The following CLPB variants were observed in gnomAD, a reference collection of about 807,000 sequenced individuals.
CLPB encodes mitochondrial disaggregase.
A neutral mutation model predicts 78.4 loss-of-function variants in CLPB; 40 were observed. The observed-to-expected ratio is 0.51, with a 90% CI of 0.40 to 0.66. The LOEUF (loss-of-function observed/expected upper bound fraction) is 0.66, where lower values mean the gene tolerates loss of function less well. Among genes scored for constraint, CLPB ranks in the 30% least tolerant of loss-of-function variants. The probability of loss-of-function intolerance (pLI) is 0.00; values close to 1 mark genes in which losing one functional copy is unlikely to be tolerated. For missense variants in CLPB, 780 were observed against 886.9 expected, an observed-to-expected ratio of 0.88 and a Z score of 1.53; for synonymous variants, 333 against 348.0, an observed-to-expected ratio of 0.96 and a Z score of 0.48.
intron 1 of CLPB, among the ~76,000 whole-genome samples, chr11:72,431,110 C>T (rs551402236): frequency 7.2e-5 from 11 of 152,356 alleles, no homozygotes; most frequent in African/African-American, 2.2e-4. Context: ...AGAAAAGCAA[C>T]GCTAGCTAAG....
intron 3 of CLPB, among the ~76,000 whole-genome samples, chr11:72,396,214 T>C (rs1855401893): frequency 6.6e-6 from 1 of 152,062 alleles, no homozygotes; most frequent in South Asian, 2.1e-4. Context: ...TCGGGGACCC[T>C]GGCCAAGCAG....
intron 15 of CLPB, 87 bp from the exon 16 acceptor site, chr11:72,293,702 A>G: frequency 6.8e-7 from 1 of 1,464,002 alleles, no homozygotes; most frequent in Non-Finnish European, 9.2e-7. Context: ...AGGGCAACTC[A>G]GAGACCTCCT....
intron 6 of CLPB, among the ~76,000 whole-genome samples, chr11:72,324,544 G>A (rs1293985462): frequency 2.0e-5 from 3 of 151,832 alleles, no homozygotes; most frequent in Non-Finnish European, 2.9e-5. Context: ...GAGCCTGGGC[G>A]ACACAGCAAG....
At position 72,290,199 on chromosome 11, in the gene CLPB, G is replaced by A. The variant is rs1390523859; in HGVS notation, c.*3168C>T. 6.6e-6 allele frequency: 1 copy of A among 152,188 alleles called. No individual in the cohort carries two copies. Among genetic ancestry groups the A allele is most frequent in the Non-Finnish European group, 1.5e-5 (1 of 68,038 alleles). 9.4% of individuals were successfully genotyped at this position (152,188 alleles called of 1,614,324 possible). A position where few individuals can be genotyped will look rare whatever the true frequency, so the allele number is the denominator to read the frequency against. On this transcript the variant is annotated 3_prime_UTR_variant, in exon 16 of 16. Transcript: ENST00000538039. ...GAAACATCTTGTGGTGCCAGAAAAT[G>A]CTTAAAAAGTGACAGGGGCAATGTC...
At chr11:72,339,011 G>T (rs1857760939) in intron 5 of CLPB, among the ~76,000 whole-genome samples, 1 of 152,212 alleles carries the variant, frequency 6.6e-6, no homozygotes, top group South Asian at 2.1e-4. Context: ...CCAGACCCAA[G>T]GAGGTGGGTC....
chr11:72,358,874 T>C lies in CLPB; in HGVS notation c.775+6A>G, dbSNP rs1489253219. On this transcript the variant is annotated splice_donor_region_variant and intron_variant, in intron 5 of 15. Transcript: ENST00000538039. ...CACCCCACCCCTCCTCCACCTCTGC[T>C]CTCACCTCCATCAAGCAGCTCCTTG... 7.7e-7 allele frequency: 1 copy of C among 1,290,950 alleles called. No individual in the cohort carries two copies. The highest frequency in any genetic ancestry group is 1.0e-6 in the Non-Finnish European group (1 of 976,662). 80.0% of individuals were successfully genotyped at this position (1,290,950 alleles called of 1,614,324 possible).
chr11:72,287,257 T>G lies in CLPB; in HGVS notation c.*6110A>C, dbSNP rs1467151349. The G allele has an allele frequency of 6.6e-6, 1 of 152,224 alleles. No homozygotes were observed. Among genetic ancestry groups the G allele is most frequent in the Non-Finnish European group, 1.5e-5 (1 of 68,032 alleles). 9.4% of individuals were successfully genotyped at this position (152,224 alleles called of 1,614,324 possible). ...CTTTGTAATCATTCACTGAGCTGCA[T>G]ACTTGTGATTTGTACAATTTCCCAT... On this transcript the variant is annotated 3_prime_UTR_variant, in exon 16 of 16. Transcript: ENST00000538039.
chr11:72,408,753 C>A (rs1028283326), intron 2 of CLPB, among the ~76,000 whole-genome samples: 1 of 152,126 alleles, frequency 6.6e-6, no homozygotes, highest in Admixed American at 6.5e-5. Flanking sequence ...AGGCCCCTCC[C>A]CTGCCTCCCC....
chr11:72,387,817 T>A, intron 3 of CLPB, among the ~76,000 whole-genome samples: 1 of 152,192 alleles, frequency 6.6e-6, no homozygotes, highest in Non-Finnish European at 1.5e-5. Context: ...GCAGCTCTTC[T>A]ATATTCTGCA....
intron 3 of CLPB, among the ~76,000 whole-genome samples, chr11:72,386,906 T>G (rs1245234486): frequency 6.6e-6 from 1 of 152,196 alleles, no homozygotes; most frequent in Non-Finnish European, 1.5e-5. Context: ...GGATTAAGAT[T>G]GGCATTAGTC....
intron 5 of CLPB, chr11:72,354,315 G>T: frequency 2.5e-6 from 1 of 395,602 alleles, no homozygotes; most frequent in South Asian, 1.3e-4. Context: ...TACCATTTTA[G>T]ATTCCTGGGA....
intron 2 of CLPB, among the ~76,000 whole-genome samples, chr11:72,426,320 C>T (rs563483513): frequency 6.6e-6 from 1 of 152,348 alleles, no homozygotes; most frequent in South Asian, 2.1e-4. Flanking sequence ...GACAACTCCT[C>T]ACATGGCTTG....
At chr11:72,362,992 C>CA (rs1379393141) in intron 4 of CLPB, among the ~76,000 whole-genome samples, 1 of 151,952 alleles carries the variant, frequency 6.6e-6, no homozygotes, top group Non-Finnish European at 1.5e-5. Flanking sequence ...ACCAACTCTA[C>CA]AAAAAATACA....
At chr11:72,372,776 T>C in intron 4 of CLPB, 2 of 687,770 alleles carry the variant, frequency 2.9e-6, no homozygotes, top group South Asian at 1.7e-5. Context: ...TCCAAGAGCA[T>C]GCATTCTCTC....
intron 5 of CLPB, among the ~76,000 whole-genome samples, chr11:72,343,392 G>C (rs1387485030): frequency 6.6e-6 from 1 of 152,130 alleles, no homozygotes; most frequent in Non-Finnish European, 1.5e-5. Context: ...AATGTTATAG[G>C]CTACGGTTCT....
At chr11:72,299,943 CT>C (rs1379422081) in intron 11 of CLPB, among the ~76,000 whole-genome samples, 2 of 152,244 alleles carry the variant, frequency 1.3e-5, no homozygotes, top group Admixed American at 6.5e-5. Context: ...CAGCAGTTGC[CT>C]TCTGTTTTTT....
chr11:72,319,234 C>T (rs1026921354), intron 6 of CLPB, among the ~76,000 whole-genome samples: 5 of 152,224 alleles, frequency 3.3e-5, no homozygotes, highest in African/African-American at 1.2e-4. Flanking sequence ...ACCTCTGGTA[C>T]ACTTAAATAA....
chr11:72,413,590 C>G (rs1855939758), intron 2 of CLPB, among the ~76,000 whole-genome samples: 1 of 152,146 alleles, frequency 6.6e-6, no homozygotes, highest in Non-Finnish European at 1.5e-5. Flanking sequence ...ATATACAGCC[C>G]ACATTCAAAT....
Position 72,308,546 on chromosome 11 carries a change from G to C in CLPB, c.1047C>G (p.Phe349Leu). The C allele has an allele frequency of 1.2e-6, 2 of 1,614,120 alleles. No homozygotes were observed. Among genetic ancestry groups the C allele is most frequent in the Non-Finnish European group, 1.7e-6 (2 of 1,179,982 alleles). Residue 349 changes from phenylalanine (F) to leucine (L), a missense_variant, in exon 8 of 16, where the codon TTC becomes TTG. Phe to Leu is a conservative substitution (Grantham distance 22, BLOSUM62 0). Transcript: ENST00000538039. ...AATTACCTATTCCAGATGATCCCAA[G>C]AAGAGGAAGACCAGAGGGTGTTCTT... is the stretch of plus-strand genomic sequence containing the variant. Reference protein sequence around the residue: ...YDEEHPLVFLFLGSSGIGKTE... With the variant: ...YDEEHPLVFLLLGSSGIGKTE...
Sources: gnomAD v4.1 joint callset for allele counts (sites outside exome capture counted in the v4.1 genomes callset) on GRCh38, gnomAD v4.1.1 for gene constraint, MANE v1.5 for transcripts, NCBI Gene and HGNC (gene_info 2026-07-23, HGNC 2026-07-21) for gene names.